GPR89A: variants seen among roughly 807,000 people sequenced by gnomAD.
GPR89A encodes G protein-coupled receptor 89A.
In GPR89A, 16 loss-of-function variants were observed where a neutral mutation model predicts 52.0. That is an observed-to-expected ratio of 0.31 (90% CI 0.21 to 0.47). GPR89A has a LOEUF of 0.47. GPR89A is among the 20% of genes least tolerant of loss of function. GPR89A has a pLI of 1.00. For missense variants in GPR89A, 135 were observed against 449.4 expected (o/e 0.30, Z 6.33); for synonymous variants, 55 against 150.9 (o/e 0.36, Z 4.66).
intron 1 of GPR89A, 28 bp from the exon 2 acceptor site, chr1:145,616,206 T>C (rs782015784): frequency 2.5e-6 from 4 of 1,577,260 alleles, no homozygotes; most frequent in East Asian, 2.2e-5. Context: ...AAAATATGTA[T>C]TGACATTCTA....
chr1:145,632,178 T>C (rs1236874442), intron 7 of GPR89A, among the ~76,000 whole-genome samples: 1 of 152,134 alleles, frequency 6.6e-6, no homozygotes, highest in Non-Finnish European at 1.5e-5. Context: ...ATTTGTGGCA[T>C]ACAAAGTGGA....
chr1:145,649,593 A>G (rs1283914807), intron 10 of GPR89A, among the ~76,000 whole-genome samples: 2 of 152,186 alleles, frequency 1.3e-5, no homozygotes, highest in Non-Finnish European at 2.9e-5. Flanking sequence ...GATATTACAG[A>G]TAAAGTTGCT....
In GPR89A at chr1:145,667,619, C is replaced by T. The variant is rs587727028; in HGVS notation, c.1095+1968C>T. 8.0e-3 allele frequency among the ~76,000 whole-genome samples: 1,213 copies of T among 151,842 alleles called. 13 individuals are homozygous for T. The highest frequency in any genetic ancestry group is 0.026 in the Admixed American group (390 of 15,242). On this transcript the variant is annotated intron_variant, in intron 12 of 13. Transcript: ENST00000313835. ...TTTTGGCTTTTGTTGCCATTGCTTT[C>T]GGTGTTTTAGACATGAAGTCCTTGC...
chr1:145,625,589 C>A (rs1649439740), intron 5 of GPR89A, among the ~76,000 whole-genome samples: 1 of 148,336 alleles, frequency 6.7e-6, no homozygotes, highest in Non-Finnish European at 1.5e-5. Context: ...GATCAACCCA[C>A]CTCAGCTTCC....
intron 7 of GPR89A, among the ~76,000 whole-genome samples, chr1:145,636,641 A>G (rs1230547673): frequency 6.6e-6 from 1 of 152,176 alleles, no homozygotes; most frequent in Admixed American, 6.5e-5. Flanking sequence ...AATTTCAGCA[A>G]TACCCACAGC....
intron 7 of GPR89A, among the ~76,000 whole-genome samples, chr1:145,642,563 C>G (rs1423578243): frequency 2.0e-5 from 3 of 152,190 alleles, no homozygotes; most frequent in Non-Finnish European, 4.4e-5. Context: ...TTGTTAATAT[C>G]ATTTTAGCTA....
chr1:145,664,522 C>T (rs1652424537), intron 11 of GPR89A, among the ~76,000 whole-genome samples: 1 of 149,290 alleles, frequency 6.7e-6, no homozygotes, highest in Non-Finnish European at 1.5e-5. Context: ...TGGTGGCATG[C>T]ACCTGTAGTC....
intron 5 of GPR89A, among the ~76,000 whole-genome samples, chr1:145,628,865 A>G (rs1553689376): frequency 6.6e-6 from 1 of 152,236 alleles, no homozygotes; most frequent in Non-Finnish European, 1.5e-5. Context: ...TAAGGAGGAA[A>G]TAGATGGGGG....
At chr1:145,636,534 A>G (rs1164925128) in intron 7 of GPR89A, among the ~76,000 whole-genome samples, 4 of 151,694 alleles carry the variant, frequency 2.6e-5, no homozygotes, top group East Asian at 3.9e-4. Context: ...TGTTTGGAAC[A>G]GTGAAGGAAA....
intron 10 of GPR89A, among the ~76,000 whole-genome samples, chr1:145,652,413 G>C (rs1466119430): frequency 6.7e-6 from 1 of 148,848 alleles, no homozygotes; most frequent in Non-Finnish European, 1.5e-5. Context: ...TTTTATTGAG[G>C]ATTTTCACAT....
chr1:145,611,712 C>T (rs1648293824), intron 1 of GPR89A: 1 of 151,296 alleles, frequency 6.6e-6, no homozygotes, highest in African/African-American at 2.4e-5. Context: ...TCCATTTCCA[C>T]TATACATACC....
intron 1 of GPR89A, among the ~76,000 whole-genome samples, chr1:145,612,650 A>C (rs1291593844): frequency 1.3e-5 from 2 of 151,938 alleles, no homozygotes; most frequent in African/African-American, 4.9e-5. Context: ...TACTACTTAG[A>C]GAGCCTGTAG....
intron 11 of GPR89A, among the ~76,000 whole-genome samples, chr1:145,665,260 A>G (rs1470559450): frequency 6.6e-6 from 1 of 151,928 alleles, no homozygotes; most frequent in Non-Finnish European, 1.5e-5. Flanking sequence ...ATGTGGGAGT[A>G]TTGCTTGAGC....
At chr1:145,662,403 A>G (rs1652263903) in intron 10 of GPR89A, among the ~76,000 whole-genome samples, 1 of 152,030 alleles carries the variant, frequency 6.6e-6, no homozygotes, top group African/African-American at 2.4e-5. Flanking sequence ...TAATATAGAC[A>G]TTCTAGCTTT....
chr1:145,652,301 C>T (rs1236705072), intron 10 of GPR89A, among the ~76,000 whole-genome samples: 2 of 152,156 alleles, frequency 1.3e-5, no homozygotes, highest in African/African-American at 4.8e-5. Context: ...ATTACGTTTA[C>T]TGATTCGTGT....
At chr1:145,654,947 C>G (rs1326441323) in intron 10 of GPR89A, among the ~76,000 whole-genome samples, 14 of 150,502 alleles carry the variant, frequency 9.3e-5, no homozygotes, top group Non-Finnish European at 1.6e-4. Flanking sequence ...GCCGTAGGTT[C>G]GGTATTTTTA....
chr1:145,635,795 G>C (rs1334231360), intron 7 of GPR89A, among the ~76,000 whole-genome samples: 2 of 152,198 alleles, frequency 1.3e-5, no homozygotes, highest in Admixed American at 6.5e-5. Context: ...CCCATCTCTA[G>C]TAAAAATACA....
intron 2 of GPR89A, among the ~76,000 whole-genome samples, chr1:145,617,652 T>G (rs1156668919): frequency 6.6e-6 from 1 of 151,928 alleles, no homozygotes; most frequent in Non-Finnish European, 1.5e-5. Flanking sequence ...CATGAAACAA[T>G]TTATGTTCTT....
chr1:145,658,040 G>A (rs1476768153), intron 10 of GPR89A, among the ~76,000 whole-genome samples: 2 of 151,124 alleles, frequency 1.3e-5, no homozygotes, highest in Non-Finnish European at 2.9e-5. Context: ...CACTCCCTCA[G>A]CCCTTAGCAA....
Sources: allele counts gnomAD v4.1 joint callset (sites outside exome capture counted in the v4.1 genomes callset), GRCh38; gene constraint gnomAD v4.1.1; transcripts MANE v1.5; gene names NCBI Gene and HGNC (gene_info 2026-07-23, HGNC 2026-07-21).